C9: variants seen among roughly 807,000 people sequenced by gnomAD.
C9 encodes complement component C9.
In C9, 63 loss-of-function variants were observed where a neutral mutation model predicts 65.4. The observed-to-expected ratio is 0.96, with a 90% CI of 0.79 to 1.19. The LOEUF is 1.19. Ranked by LOEUF, C9 falls within the 50% of genes most tolerant of loss-of-function variation. The probability of loss-of-function intolerance (pLI) is 0.00; values close to 1 mark genes in which losing one functional copy is unlikely to be tolerated. For missense variants in C9, 744 were observed against 670.1 expected (o/e 1.11, Z -1.22); for synonymous variants, 229 against 227.9 (o/e 1.00, Z -0.04).
intron 9 of C9, among the ~76,000 whole-genome samples, chr5:39,290,541 A>T (rs1204466655): frequency 6.6e-6 from 1 of 151,972 alleles, no homozygotes; most frequent in Non-Finnish European, 1.5e-5. Context: ...GATGGATTAA[A>T]TAATGTGGAC....
intron 7 of C9, among the ~76,000 whole-genome samples, chr5:39,310,812 A>T (rs1385036498): frequency 6.6e-6 from 1 of 152,174 alleles, no homozygotes; most frequent in Non-Finnish European, 1.5e-5. Context: ...TAGGTTATAC[A>T]AATTATGTCT....
intron 6 of C9, among the ~76,000 whole-genome samples, chr5:39,311,842 A>G (rs997156757): frequency 7.9e-5 from 12 of 152,222 alleles, no homozygotes; most frequent in African/African-American, 2.9e-4. Flanking sequence ...AATACTAATC[A>G]TCAATAAAAA....
intron 10 of C9, among the ~76,000 whole-genome samples, chr5:39,288,435 T>C (rs1045542995): frequency 2.0e-5 from 3 of 151,746 alleles, no homozygotes; most frequent in Non-Finnish European, 4.4e-5. Flanking sequence ...GAATACCTGA[T>C]GTTTGTTGTA....
chr5:39,354,390 A>C (rs1754378804), intron 1 of C9, among the ~76,000 whole-genome samples: 1 of 152,214 alleles, frequency 6.6e-6, no homozygotes, highest in African/African-American at 2.4e-5. Context: ...TACTGATTAA[A>C]TCAAGCTCTC....
In C9 at chr5:39,308,245, C is replaced by T. The variant is rs763601535; in HGVS notation, c.1225G>A (p.Gly409Arg). ...CCACACTTACCAGCTCTACCCTCTC[C>T]CCTCTTTACACAATCATCTTTATTA... The part of the protein sequence containing the change: ...EFNKDDCVKR[G>R]EGRAVNITSE... The change falls in exon 8 of 11, where the codon GGA (glycine) becomes AGA (arginine). Residue 409 changes from glycine to arginine, a missense_variant. By Grantham distance (125) the Gly-to-Arg change is moderately radical. Coordinates refer to ENST00000263408, the MANE Select transcript of C9 (RefSeq NM_001737.5). 12 of 1,613,150 alleles carry T rather than the reference C, an allele frequency of 7.4e-6. No homozygotes were observed. Among genetic ancestry groups the T allele is most frequent in the African/African-American group, 2.7e-5 (2 of 74,868 alleles).
At chr5:39,310,375 C>T (rs944775090) in intron 7 of C9, among the ~76,000 whole-genome samples, 2 of 152,182 alleles carry the variant, frequency 1.3e-5, no homozygotes, top group African/African-American at 4.8e-5. Context: ...AATATTATAA[C>T]TAGCCATAAT....
At chr5:39,347,149 A>G (rs968675458) in intron 1 of C9, among the ~76,000 whole-genome samples, 10 of 152,202 alleles carry the variant, frequency 6.6e-5, no homozygotes, top group Non-Finnish European at 1.3e-4. Flanking sequence ...CCTATTCAAC[A>G]TAGTGTTGGA....
chr5:39,287,070 T>C (rs560095902), intron 10 of C9, among the ~76,000 whole-genome samples: 1 of 152,100 alleles, frequency 6.6e-6, no homozygotes, highest in African/African-American at 2.4e-5. Flanking sequence ...ACACTTGGAC[T>C]AAGATCTCAC....
chr5:39,296,513 T>C (rs1401814682), intron 9 of C9, among the ~76,000 whole-genome samples: 2 of 151,490 alleles, frequency 1.3e-5, no homozygotes, highest in African/African-American at 4.8e-5. Flanking sequence ...TAAACTAGTA[T>C]AGTCACTATG....
chr5:39,307,957 C>T (rs191872243), intron 8 of C9, among the ~76,000 whole-genome samples: 10 of 152,220 alleles, frequency 6.6e-5, no homozygotes, highest in Admixed American at 2.0e-4. Context: ...TACTTTTTTA[C>T]TATTGCCATA....
intron 6 of C9, among the ~76,000 whole-genome samples, 168 bp from the exon 7 acceptor site, chr5:39,311,545 C>G (rs1294583842): frequency 2.6e-5 from 4 of 152,158 alleles, no homozygotes; most frequent in African/African-American, 7.2e-5. Flanking sequence ...TCAACACCAA[C>G]TACTGATGAG....
chr5:39,285,297 C>A (rs975541822), intron 10 of C9, 64 bp from the exon 11 acceptor site: 84 of 1,315,546 alleles, frequency 6.4e-5, no homozygotes, highest in Admixed American at 2.7e-4. Flanking sequence ...GGTCCATCCA[C>A]CCATCCGCTT....
chr5:39,315,809 G>C lies in C9; in HGVS notation c.836C>G (p.Thr279Ser), dbSNP rs34625111. The change falls in exon 6 of 11, where the codon ACT (threonine) becomes AGT (serine). Residue 279 changes from threonine (T) to serine (S), a missense_variant. By Grantham distance (58) the Thr-to-Ser change is moderately conservative. Transcript: ENST00000263408. ...SFRFSYSKNETYQLFLSYSSK... is the reference protein window; with the variant it reads ...SFRFSYSKNESYQLFLSYSSK... ...AGAATATGACAAAAATAGTTGGTAA[G>C]TTTCATTTTTGGAATATGAAAACCG... 9.3e-4 allele frequency: 1,496 copies of C among 1,605,574 alleles called. 10 individuals are homozygous for C. In the African/African-American group the frequency reaches 0.017, roughly 18 times the overall value.
chr5:39,341,958 T>A (rs1016166220), intron 2 of C9, 133 bp downstream of exon 2: 1 of 723,524 alleles, frequency 1.4e-6, no homozygotes. Context: ...CAACATACAT[T>A]TAAATGTTTA....
intron 1 of C9, among the ~76,000 whole-genome samples, chr5:39,358,455 T>C (rs835214): frequency 0.41 from 62,036 of 151,904 alleles, 12,695 homozygotes; most frequent in Middle Eastern, 0.51. Context: ...CTCCACCTTG[T>C]AGGCCATGGA....
rs373240758 is a variant in C9 at position 39,336,266 on chromosome 5, A to G, written c.477-4452T>C. Among the ~76,000 whole-genome samples the G allele has an allele frequency of 2.6e-5, 4 of 152,106 alleles. No homozygotes were observed. The South Asian group carries it at 8.3e-4, about 32-fold the overall frequency. ...CTTTAGGTTCACAGCAAAAGTGAAC[A>G]GAAGGCACACAGACTTCCTATATAC... On this transcript the variant is annotated intron_variant, in intron 4 of 10. Coordinates refer to ENST00000263408, the MANE Select transcript of C9 (RefSeq NM_001737.5).
At chr5:39,288,582 A>G (rs1405476592) in intron 10 of C9, 141 bp downstream of exon 10, 2 of 621,578 alleles carry the variant, frequency 3.2e-6, no homozygotes, top group African/African-American at 3.7e-5. Flanking sequence ...ACCCATTTTC[A>G]CTATTCACTC....
At chr5:39,325,201 G>T (rs972961396) in intron 5 of C9, among the ~76,000 whole-genome samples, 11 of 152,120 alleles carry the variant, frequency 7.2e-5, no homozygotes, top group Admixed American at 5.2e-4. Flanking sequence ...CTCACTAATT[G>T]AGAGAAGAAA....
chr5:39,356,861 C>T (rs550584649), intron 1 of C9, among the ~76,000 whole-genome samples: 5 of 152,362 alleles, frequency 3.3e-5, no homozygotes, highest in Non-Finnish European at 4.4e-5. Flanking sequence ...ATGTACAACA[C>T]TTACCACCTG....
Sources: allele counts gnomAD v4.1 joint callset (sites outside exome capture counted in the v4.1 genomes callset), GRCh38; gene constraint gnomAD v4.1.1; transcripts MANE v1.5; gene names NCBI Gene and HGNC (gene_info 2026-07-23, HGNC 2026-07-21).